Variants in SNX10 observed in about 807,000 individuals in gnomAD.
The protein encoded by SNX10 is sorting nexin-10.
A neutral mutation model predicts 28.5 loss-of-function variants in SNX10; 25 were observed. The observed-to-expected ratio is 0.88, with a 90% CI of 0.64 to 1.22. SNX10 has a LOEUF of 1.22. Among genes scored for constraint, SNX10 ranks in the 50% most tolerant of loss-of-function variants. The pLI, the probability that SNX10 is intolerant of heterozygous loss-of-function variation, is 0.00. For synonymous variants in SNX10, 62 were observed against 81.4 expected (o/e 0.76, Z 1.28); for missense variants, 223 against 242.6 (o/e 0.92, Z 0.54).
At chr7:26,317,253 C>G (rs1163933799) in intron 1 of SNX10, among the ~76,000 whole-genome samples, 1 of 152,124 alleles carries the variant, frequency 6.6e-6, no homozygotes, top group African/African-American at 2.4e-5. Context: ...AGAGCAAGCG[C>G]CCTGGGTAGT....
chr7:26,307,920 C>T lies in SNX10; in HGVS notation c.-24+15834C>T, dbSNP rs1786661193. ...GAAGCTCATGGCTTGTAATTTCTCT[C>T]CCTGGCAATCCTTCCAACACCCATC... On this transcript the variant is annotated intron_variant, in intron 1 of 6. Transcript: ENST00000338523. 3.3e-5 allele frequency among the ~76,000 whole-genome samples: 5 copies of T among 152,174 alleles called. No individual in the cohort carries two copies. The South Asian group carries it at 1.0e-3, about 32-fold the overall frequency.
intron 2 of SNX10, 63 bp from the exon 3 acceptor site, chr7:26,360,912 C>T: frequency 6.5e-7 from 1 of 1,535,662 alleles, no homozygotes; most frequent in Non-Finnish European, 8.8e-7. Flanking sequence ...TCGTTTTGTT[C>T]AGTTCTTTCC....
Position 26,372,681 on chromosome 7 carries a change from G to T in SNX10, c.*109G>T. The T allele has an allele frequency of 1.5e-6, 1 of 683,278 alleles. No individual in the cohort carries two copies. 42.3% of individuals were successfully genotyped at this position (683,278 alleles called of 1,614,324 possible). ...CCTAAAGCTCACTGTCATGATGTTA[G>T]GTATTTAAATTCTTAAAGATGTTGG... On this transcript the variant is annotated 3_prime_UTR_variant, in exon 7 of 7. Coordinates refer to ENST00000338523, the MANE Select transcript of SNX10 (RefSeq NM_013322.3).
chr7:26,336,048 A>G (rs1787930148), intron 1 of SNX10, among the ~76,000 whole-genome samples: 1 of 152,170 alleles, frequency 6.6e-6, no homozygotes, highest in African/African-American at 2.4e-5. Context: ...TTCTTAAGAG[A>G]TGAAAGTAAG....
At chr7:26,362,053 C>G (rs934827426) in intron 3 of SNX10, among the ~76,000 whole-genome samples, 4 of 151,352 alleles carry the variant, frequency 2.6e-5, no homozygotes, top group African/African-American at 9.7e-5. Flanking sequence ...CACCCAAACA[C>G]CAGCTGTAGA....
intron 1 of SNX10, among the ~76,000 whole-genome samples, chr7:26,330,263 A>G (rs1341772821): frequency 6.6e-6 from 1 of 152,140 alleles, no homozygotes; most frequent in East Asian, 1.9e-4. Context: ...AGCCACAGGC[A>G]TGAGGAGCAG....
chr7:26,324,489 A>G (rs1465305560), intron 1 of SNX10, among the ~76,000 whole-genome samples: 1 of 152,146 alleles, frequency 6.6e-6, no homozygotes, highest in Non-Finnish European at 1.5e-5. Flanking sequence ...CCTCCCAAGT[A>G]ACTGGGACTA....
chr7:26,306,477 T>C (rs1786599131), intron 1 of SNX10, among the ~76,000 whole-genome samples: 1 of 151,274 alleles, frequency 6.6e-6, no homozygotes, highest in Admixed American at 6.6e-5. Flanking sequence ...AGTGATATGA[T>C]CATGGCTCAC....
At chr7:26,309,859 T>G (rs1786751878) in intron 1 of SNX10, among the ~76,000 whole-genome samples, 2 of 152,212 alleles carry the variant, frequency 1.3e-5, no homozygotes, top group Non-Finnish European at 2.9e-5. Context: ...TAGGTGCCTT[T>G]TCCTTATTTG....
At chr7:26,345,380 A>G (rs1425278093) in intron 1 of SNX10, among the ~76,000 whole-genome samples, 1 of 152,016 alleles carries the variant, frequency 6.6e-6, no homozygotes, top group African/African-American at 2.4e-5. Flanking sequence ...TTCCTTGAAC[A>G]CTGCGATCCC....
chr7:26,338,110 CTTT>C (rs55920968), intron 1 of SNX10, among the ~76,000 whole-genome samples: 22,336 of 128,508 alleles, frequency 0.17, 1,489 homozygotes, highest in South Asian at 0.36. Context: ...TTCCTTTGTC[CTTT>C]TTTTTTTTTT....
intron 2 of SNX10, among the ~76,000 whole-genome samples, chr7:26,358,091 A>G (rs909090107): frequency 3.3e-5 from 5 of 152,306 alleles, no homozygotes; most frequent in Admixed American, 3.3e-4. Context: ...GCCATCCACA[A>G]GAGAATAGTG....
intron 1 of SNX10, among the ~76,000 whole-genome samples, chr7:26,320,364 C>T (rs913721503): frequency 6.6e-6 from 1 of 152,120 alleles, no homozygotes; most frequent in African/African-American, 2.4e-5. Context: ...AAAGCCCCCT[C>T]ACCCATCCCA....
intron 1 of SNX10, among the ~76,000 whole-genome samples, chr7:26,297,420 G>T (rs373026813): frequency 2.0e-5 from 3 of 152,214 alleles, no homozygotes; most frequent in African/African-American, 7.2e-5. Context: ...AAATAACTTT[G>T]GTGTAGGAAA....
intron 2 of SNX10, among the ~76,000 whole-genome samples, chr7:26,353,417 G>A (rs1788683617): frequency 6.9e-6 from 1 of 144,664 alleles, no homozygotes; most frequent in Non-Finnish European, 1.5e-5. Flanking sequence ...GCACTCTGGT[G>A]ATTAACACAC....
intron 1 of SNX10, among the ~76,000 whole-genome samples, chr7:26,313,142 A>G (rs1786918561): frequency 6.6e-6 from 1 of 152,228 alleles, no homozygotes; most frequent in African/African-American, 2.4e-5. Flanking sequence ...CACATCATGG[A>G]ATAGTACACA....
At chr7:26,319,240 A>G (rs1462627073) in intron 1 of SNX10, among the ~76,000 whole-genome samples, 1 of 152,204 alleles carries the variant, frequency 6.6e-6, no homozygotes, top group East Asian at 1.9e-4. Flanking sequence ...TTTCTAGGCT[A>G]TTATCTCCTC....
chr7:26,305,172 T>A (rs1786535761), intron 1 of SNX10, among the ~76,000 whole-genome samples: 1 of 152,104 alleles, frequency 6.6e-6, no homozygotes, highest in African/African-American at 2.4e-5. Context: ...GTCTCCTGGG[T>A]CCCTCTTTCC....
At chr7:26,301,175 C>A (rs1267518255) in intron 1 of SNX10, among the ~76,000 whole-genome samples, 1 of 152,124 alleles carries the variant, frequency 6.6e-6, no homozygotes, top group Admixed American at 6.5e-5. Flanking sequence ...AAACCACACA[C>A]AGAGTGTATG....
Sources: allele counts gnomAD v4.1 joint callset (sites outside exome capture counted in the v4.1 genomes callset), GRCh38; gene constraint gnomAD v4.1.1; transcripts MANE v1.5; gene names NCBI Gene and HGNC (gene_info 2026-07-23, HGNC 2026-07-21).